The following WWOX variants were observed in gnomAD, a reference collection of about 807,000 sequenced individuals.
WWOX encodes WW domain containing oxidoreductase.
A neutral mutation model predicts 46.2 loss-of-function variants in WWOX; 69 were observed. The ratio of observed to expected loss-of-function variants is 1.49; its 90% CI spans 1.23 to 1.82. The LOEUF (loss-of-function observed/expected upper bound fraction) is 1.82. Ranked by LOEUF, WWOX falls within the 40% of genes most tolerant of loss-of-function variation. The pLI, the probability that WWOX is intolerant of heterozygous loss-of-function variation, is 0.00. For missense variants in WWOX, 919 were observed against 542.6 expected, an observed-to-expected ratio of 1.69 and a Z score of -6.89; for synonymous variants, 359 against 202.6, an observed-to-expected ratio of 1.77 and a Z score of -6.56.
intron 8 of WWOX, among the ~76,000 whole-genome samples, chr16:78,528,022 G>A (rs1233180603): frequency 1.7e-4 from 8 of 47,174 alleles, no homozygotes; most frequent in East Asian, 1.9e-3. Context: ...TTTTTGAGAC[G>A]GAGTCTTGCT....
intron 8 of WWOX, among the ~76,000 whole-genome samples, chr16:78,946,248 C>T (rs1254105105): frequency 6.6e-6 from 1 of 152,108 alleles, no homozygotes; most frequent in African/African-American, 2.4e-5. Flanking sequence ...TGGAGTACAG[C>T]AGTGCAATCT....
chr16:78,157,868 T>C (rs971391162), intron 4 of WWOX, among the ~76,000 whole-genome samples: 2 of 152,208 alleles, frequency 1.3e-5, no homozygotes, highest in Admixed American at 1.3e-4. Flanking sequence ...GTCGTACGAA[T>C]TGGGTAAGAG....
At chr16:78,428,078 A>G (rs1390994382) in intron 7 of WWOX, among the ~76,000 whole-genome samples, 1 of 152,226 alleles carries the variant, frequency 6.6e-6, no homozygotes, top group Non-Finnish European at 1.5e-5. Flanking sequence ...AGAAAACAAA[A>G]ACCCAAAAAG....
At chr16:78,664,953 G>A (rs1412054616) in intron 8 of WWOX, among the ~76,000 whole-genome samples, 1 of 152,182 alleles carries the variant, frequency 6.6e-6, no homozygotes, top group Admixed American at 6.5e-5. Context: ...CTAAACCCTG[G>A]TTCAATACAA....
At chr16:78,365,591 G>A (rs937128118) in intron 5 of WWOX, among the ~76,000 whole-genome samples, 1 of 152,156 alleles carries the variant, frequency 6.6e-6, no homozygotes, top group Non-Finnish European at 1.5e-5. Context: ...TCATAGTGTT[G>A]CTTGTAATTC....
rs563118030 is a variant in WWOX at position 78,594,109 on chromosome 16, A to C, written c.1056+161357A>C. On this transcript the variant is annotated intron_variant, in intron 8 of 8. Transcript: ENST00000566780. ...AAGAGGATGATAAAGTCACTTCTCA[A>C]CTCCTTCTCAACTCCTCCTCCTGGC... Among the ~76,000 whole-genome samples the C allele has an allele frequency of 2.0e-5, 3 of 151,544 alleles. No individual in the cohort carries two copies. In the East Asian group the frequency reaches 5.9e-4, roughly 30 times the overall value.
rs142077935 is a variant in WWOX at position 78,959,706 on chromosome 16, C to T, written c.1057-251902C>T. On this transcript the variant is annotated intron_variant, in intron 8 of 8. Transcript: ENST00000566780. ...CTCAGACACTGATGAGACCCCCCTGCAACTACCACATCAAAAGGCCTAGGA... is the reference window on the plus strand; with the variant it reads ...CTCAGACACTGATGAGACCCCCCTGTAACTACCACATCAAAAGGCCTAGGA... Among the ~76,000 whole-genome samples the T allele has an allele frequency of 6.4e-3, 975 of 152,292 alleles. 9 individuals carry two copies. Among genetic ancestry groups the T allele is most frequent in the African/African-American group, 0.023 (939 of 41,566 alleles).
At chr16:79,041,719 A>G (rs1465018987) in intron 8 of WWOX, among the ~76,000 whole-genome samples, 11 of 152,184 alleles carry the variant, frequency 7.2e-5, no homozygotes, top group Admixed American at 7.2e-4. Context: ...GAAACTGGCA[A>G]AACTGGACCT....
At chr16:78,779,684 T>A (rs1355248324) in intron 8 of WWOX, among the ~76,000 whole-genome samples, 1 of 152,192 alleles carries the variant, frequency 6.6e-6, no homozygotes, top group African/African-American at 2.4e-5. Context: ...GTGATGCGAC[T>A]GGGATCACCA....
chr16:78,183,874 A>C (rs900441447), intron 5 of WWOX, among the ~76,000 whole-genome samples: 1 of 152,174 alleles, frequency 6.6e-6, no homozygotes, highest in Non-Finnish European at 1.5e-5. Flanking sequence ...ATTTTGTAGG[A>C]TGGTGACCGT....
intron 5 of WWOX, among the ~76,000 whole-genome samples, chr16:78,312,011 C>T (rs927260514): frequency 6.6e-6 from 1 of 152,156 alleles, no homozygotes; most frequent in Non-Finnish European, 1.5e-5. Context: ...CCATGTTCCT[C>T]GATCCATGGC....
intron 8 of WWOX, among the ~76,000 whole-genome samples, chr16:78,586,963 G>C (rs2151596490): frequency 6.6e-6 from 1 of 152,142 alleles, no homozygotes; most frequent in Non-Finnish European, 1.5e-5. Flanking sequence ...AGATTCTATA[G>C]CATCTGAATT....
chr16:78,254,386 A>C (rs931832299), intron 5 of WWOX, among the ~76,000 whole-genome samples: 1 of 149,956 alleles, frequency 6.7e-6, no homozygotes, highest in African/African-American at 2.5e-5. Context: ...CACCCAGCTG[A>C]ATTCTTCTCT....
chr16:78,205,497 A>G (rs972118759), intron 5 of WWOX, among the ~76,000 whole-genome samples: 3 of 151,452 alleles, frequency 2.0e-5, no homozygotes, highest in Non-Finnish European at 4.4e-5. Flanking sequence ...ACATTCATCT[A>G]GTCATCCCCA....
intron 8 of WWOX, among the ~76,000 whole-genome samples, chr16:78,725,167 A>G (rs2048794968): frequency 6.6e-6 from 1 of 151,844 alleles, no homozygotes; most frequent in South Asian, 2.1e-4. Context: ...AACACCTTTC[A>G]CTTGGCTCTC....
chr16:78,996,430 G>C (rs373612415), intron 8 of WWOX: 2 of 770,252 alleles, frequency 2.6e-6, no homozygotes, highest in South Asian at 1.2e-4. Context: ...AGTTTGCAAA[G>C]AATGGAGGCA....
At chr16:79,093,506 TATTAAATGAAA>T (rs1207571917) in intron 8 of WWOX, among the ~76,000 whole-genome samples, 11 of 152,262 alleles carry the variant, frequency 7.2e-5, no homozygotes, top group Non-Finnish European at 1.6e-4. Flanking sequence ...TTTTTTCTTT[TATTAAATGAAA>T]AAGAGTCATT....
intron 8 of WWOX, among the ~76,000 whole-genome samples, chr16:78,729,542 G>A (rs2048916638): frequency 1.3e-5 from 2 of 151,994 alleles, no homozygotes; most frequent in Non-Finnish European, 2.9e-5. Flanking sequence ...GGGTGAAGTT[G>A]TGCATCCACA....
intron 8 of WWOX, among the ~76,000 whole-genome samples, chr16:78,488,541 C>G (rs1468884448): frequency 2.0e-5 from 3 of 152,180 alleles, no homozygotes; most frequent in African/African-American, 7.2e-5. Flanking sequence ...CATGAGCAGA[C>G]TGACTGCTTT....
Sources: allele counts gnomAD v4.1 joint callset (sites outside exome capture counted in the v4.1 genomes callset), GRCh38; gene constraint gnomAD v4.1.1; transcripts MANE v1.5; gene names NCBI Gene and HGNC (gene_info 2026-07-23, HGNC 2026-07-21).